Variants in NHSL1 observed in about 807,000 individuals in gnomAD.
The protein encoded by NHSL1 is NHS like 1, also known as NHS-like protein 1.
NHSL1 carries 48 observed loss-of-function variants against 95.0 expected under a neutral mutation model. The ratio of observed to expected loss-of-function variants is 0.51; its 90% confidence interval spans 0.40 to 0.64. The LOEUF is 0.64. Among genes scored for constraint, NHSL1 ranks in the 30% least tolerant of loss-of-function variants. The pLI, the probability that NHSL1 is intolerant of heterozygous loss-of-function variation, is 0.00. For missense variants in NHSL1, 1,971 were observed against 2,077.7 expected (o/e 0.95, Z 1.00); for synonymous variants, 783 against 833.9 (o/e 0.94, Z 1.05).
At chr6:138,602,848 T>C (rs1049419042) in intron 1 of NHSL1, among the ~76,000 whole-genome samples, 5 of 152,230 alleles carry the variant, frequency 3.3e-5, no homozygotes, top group Non-Finnish European at 7.3e-5. Context: ...TACATTCTCC[T>C]CATCAGATGC....
chr6:138,466,227 C>T (rs976378945), intron 3 of NHSL1, among the ~76,000 whole-genome samples: 3 of 151,412 alleles, frequency 2.0e-5, no homozygotes, highest in Non-Finnish European at 2.9e-5. Context: ...ATTTTTAGTA[C>T]AGACAGGGTT....
At chr6:138,552,124 A>C (rs1431107811) in intron 1 of NHSL1, among the ~76,000 whole-genome samples, 1 of 152,148 alleles carries the variant, frequency 6.6e-6, no homozygotes, top group Admixed American at 6.5e-5. Context: ...GCCATTTAAA[A>C]ATATACCCTC....
chr6:138,661,612 T>C (rs1417246371), intron 1 of NHSL1, among the ~76,000 whole-genome samples: 2 of 150,990 alleles, frequency 1.3e-5, no homozygotes, highest in Admixed American at 6.6e-5. Flanking sequence ...CAGTAAGCCA[T>C]GATTGTGCCA....
At chr6:138,444,994 C>T (rs1007805148) in intron 4 of NHSL1, among the ~76,000 whole-genome samples, 1 of 152,160 alleles carries the variant, frequency 6.6e-6, no homozygotes, top group Non-Finnish European at 1.5e-5. Flanking sequence ...TATTGTCATT[C>T]ACCTTTCCTG....
At chr6:138,646,779 C>T (rs149382160) in intron 1 of NHSL1, among the ~76,000 whole-genome samples, 1 of 152,174 alleles carries the variant, frequency 6.6e-6, no homozygotes, top group Non-Finnish European at 1.5e-5. Context: ...GCAAATGAAA[C>T]GTGACTCTGC....
chr6:138,505,370 CAG>C (rs1562334968), intron 1 of NHSL1, among the ~76,000 whole-genome samples: 1 of 152,074 alleles, frequency 6.6e-6, no homozygotes, highest in Non-Finnish European at 1.5e-5. Flanking sequence ...GAAAATGAAA[CAG>C]GGGCTGGGCA....
intron 3 of NHSL1, among the ~76,000 whole-genome samples, chr6:138,468,846 G>T (rs1252586636): frequency 6.6e-6 from 1 of 152,144 alleles, no homozygotes; most frequent in Non-Finnish European, 1.5e-5. Flanking sequence ...CACAATGCAT[G>T]ACTGTATTTG....
In NHSL1 at chr6:138,433,297, T is replaced by G. The variant is rs912503819; in HGVS notation, c.1048A>C (p.Met350Leu). 6.4e-7 allele frequency: 1 copy of G among 1,551,674 alleles called. No individual in the cohort carries two copies. The highest frequency in any genetic ancestry group is 8.7e-7 in the Non-Finnish European group (1 of 1,146,932). The change falls in exon 6 of 8, where the codon ATG (methionine) becomes CTG (leucine). Residue 350 changes from methionine to leucine, a missense_variant. Transcript: ENST00000343505. Reference sequence around the variant, plus strand: ...CTCTGGTAGAGGAAAGTGCCATTCATGTCTCCTGCAGGGCCGAGGGCACCC... The same window carrying G: ...CTCTGGTAGAGGAAAGTGCCATTCAGGTCTCCTGCAGGGCCGAGGGCACCC... ...RLGALGPAGD[M>L]NGTFLYQRGH...
In NHSL1 at chr6:138,641,402, C is replaced by T. The variant is rs73566650; in HGVS notation, c.96+51074G>A. ...AACCATGTAAGAGGAAAGAATGGCA[C>T]GGGCAAAAAAGCTTCAAGGAATGCA... On this transcript the variant is annotated intron_variant, in intron 1 of 3. Transcript: ENST00000491526. 4.9e-3 allele frequency among the ~76,000 whole-genome samples: 740 copies of T among 151,948 alleles called. 6 individuals are homozygous for T. Among genetic ancestry groups the T allele is most frequent in the African/African-American group, 0.017 (697 of 41,456 alleles).
In NHSL1 at chr6:138,430,798, G is replaced by A. The variant is rs773940241; in HGVS notation, c.3547C>T (p.Leu1183Phe). The change falls in exon 6 of 8, where the codon CTC (leucine) becomes TTC (phenylalanine). Residue 1183 changes from leucine to phenylalanine, a missense_variant. Coordinates refer to ENST00000343505, the MANE Select transcript of NHSL1 (RefSeq NM_001144060.2). The surrounding 1 kb of genome is among the most constrained non-coding windows in gnomAD (Gnocchi z 4.7). ...EARPSPSTTP[L>F]PDSSPSRKPP... ...TTCCTGCTGGGTGAAGAGTCTGGGA[G>A]TGGGGTGGTGCTGGGGCTGGGCCGA... The A allele has an allele frequency of 8.4e-6, 13 of 1,551,360 alleles. 1 individual carries two copies. In the South Asian group the frequency reaches 1.5e-4, roughly 18 times the overall value.
At chr6:138,532,325 A>G (rs2128316769) in intron 1 of NHSL1, among the ~76,000 whole-genome samples, 1 of 152,358 alleles carries the variant, frequency 6.6e-6, no homozygotes, top group Non-Finnish European at 1.5e-5. Flanking sequence ...GCAATGGAAC[A>G]GTGGTGGTAG....
At chr6:138,429,868 A>C (rs1251993662) in intron 6 of NHSL1, 25 bp from the exon 7 acceptor site, 6 of 1,539,426 alleles carry the variant, frequency 3.9e-6, no homozygotes, top group Middle Eastern at 3.6e-4. Flanking sequence ...GCAGGCATAC[A>C]AGACGCACAA....
intron 1 of NHSL1, among the ~76,000 whole-genome samples, chr6:138,543,572 G>A (rs1343472281): frequency 6.6e-6 from 1 of 152,168 alleles, no homozygotes; most frequent in Non-Finnish European, 1.5e-5. Context: ...CAAAGGAAGA[G>A]CAATCATGTT....
intron 2 of NHSL1, among the ~76,000 whole-genome samples, chr6:138,491,913 G>C (rs1780100786): frequency 6.6e-6 from 1 of 151,940 alleles, no homozygotes; most frequent in African/African-American, 2.4e-5. Flanking sequence ...AAAAAGTTTT[G>C]GATTTTGGAG....
At chr6:138,435,723 TG>T (rs1405691329) in intron 5 of NHSL1, among the ~76,000 whole-genome samples, 7 of 151,892 alleles carry the variant, frequency 4.6e-5, no homozygotes, top group Admixed American at 6.6e-5. Flanking sequence ...TTTTTTTTTT[TG>T]TTTTTTTGTT....
intron 3 of NHSL1, among the ~76,000 whole-genome samples, chr6:138,449,052 C>CA (rs545496586): frequency 0.018 from 1,578 of 87,632 alleles, 15 homozygotes; most frequent in Middle Eastern, 0.03. Flanking sequence ...AATTCTGTCT[C>CA]AAAAAAAAAA....
chr6:138,684,539 G>T (rs908155144), intron 1 of NHSL1, among the ~76,000 whole-genome samples: 1 of 152,068 alleles, frequency 6.6e-6, no homozygotes, highest in African/African-American at 2.4e-5. Context: ...CAGCTACTCA[G>T]AAGGCTGAGG....
chr6:138,606,234 TC>T (rs1239410354), intron 1 of NHSL1, among the ~76,000 whole-genome samples: 1 of 152,180 alleles, frequency 6.6e-6, no homozygotes, highest in African/African-American at 2.4e-5. Context: ...TTCCTCCTCT[TC>T]TTGCAACCAA....
intron 1 of NHSL1, among the ~76,000 whole-genome samples, chr6:138,670,852 G>C (rs1184394794): frequency 6.6e-6 from 1 of 151,970 alleles, no homozygotes; most frequent in Non-Finnish European, 1.5e-5. Flanking sequence ...GAAAAAGAAA[G>C]AATAAGAAAT....
Sources: allele counts gnomAD v4.1 joint callset (sites outside exome capture counted in the v4.1 genomes callset), GRCh38; gene constraint gnomAD v4.1.1; non-coding constraint Gnocchi (gnomAD v3.1); transcripts MANE v1.5; gene names NCBI Gene and HGNC (gene_info 2026-07-23, HGNC 2026-07-21).